Variants in GPC5 observed in about 807,000 individuals in gnomAD.
The protein encoded by GPC5 is glypican-5.
A neutral mutation model predicts 53.9 loss-of-function variants in GPC5; 47 were observed. The observed-to-expected ratio is 0.87, with a 90% CI of 0.69 to 1.11. The LOEUF (loss-of-function observed/expected upper bound fraction) is 1.11, where lower values mean the gene tolerates loss of function less well. Ranked by LOEUF, GPC5 falls within the 50% of genes most tolerant of loss-of-function variation. The pLI, the probability that GPC5 is intolerant of heterozygous loss-of-function variation, is 0.00. For missense variants in GPC5, 748 were observed against 713.1 expected, an observed-to-expected ratio of 1.05 and a Z score of -0.56; for synonymous variants, 286 against 263.3, an observed-to-expected ratio of 1.09 and a Z score of -0.84.
intron 7 of GPC5, among the ~76,000 whole-genome samples, chr13:92,493,549 GA>G (rs1287138234): frequency 3.3e-5 from 5 of 152,220 alleles, no homozygotes; most frequent in African/African-American, 9.6e-5. Context: ...AGAGCGAGGG[GA>G]AAAAATATAT....
intron 7 of GPC5, among the ~76,000 whole-genome samples, chr13:92,582,116 G>T (rs1158172029): frequency 2.6e-5 from 4 of 151,920 alleles, no homozygotes; most frequent in Non-Finnish European, 2.9e-5. Flanking sequence ...AAAAATTATT[G>T]CCTACATCAA....
At chr13:91,591,189 C>T (rs771812083) in intron 2 of GPC5, among the ~76,000 whole-genome samples, 1 of 152,144 alleles carries the variant, frequency 6.6e-6, no homozygotes. Context: ...AGAAAAATAG[C>T]TCCTTCCTCC....
chr13:92,843,618 T>A lies in GPC5; in HGVS notation c.1562-22664T>A, dbSNP rs76194203. ...GGTTAGATCACAAAGAGCAAACAAA[T>A]CAAAAGCAGGATGTGGCTCTGCATT... On this transcript the variant is annotated intron_variant, in intron 7 of 7. Coordinates refer to ENST00000377067, the MANE Select transcript of GPC5 (RefSeq NM_004466.6). Among the ~76,000 whole-genome samples the A allele has an allele frequency of 8.5e-3, 1,299 of 152,182 alleles. 18 individuals are homozygous for A. The highest frequency in any genetic ancestry group is 0.03 in the African/African-American group (1,246 of 41,540).
At chr13:92,635,192 T>G (rs965674338) in intron 7 of GPC5, among the ~76,000 whole-genome samples, 1 of 152,170 alleles carries the variant, frequency 6.6e-6, no homozygotes, top group African/African-American at 2.4e-5. Flanking sequence ...TATATACTTA[T>G]CTTTAAATGA....
intron 7 of GPC5, among the ~76,000 whole-genome samples, chr13:92,848,247 T>G (rs1878675175): frequency 6.6e-6 from 1 of 152,206 alleles, no homozygotes; most frequent in African/African-American, 2.4e-5. Context: ...GGAAAAGGCC[T>G]TATTATGATG....
intron 7 of GPC5, among the ~76,000 whole-genome samples, chr13:92,583,059 C>T: frequency 6.8e-6 from 1 of 147,352 alleles, no homozygotes; most frequent in Non-Finnish European, 1.5e-5. Flanking sequence ...ACATCCTTGT[C>T]TTGTTCCTGA....
chr13:92,483,983 A>C (rs1055082312), intron 7 of GPC5, among the ~76,000 whole-genome samples: 7 of 152,078 alleles, frequency 4.6e-5, no homozygotes. Context: ...AAAACATTTA[A>C]AATAACTGGC....
intron 2 of GPC5, among the ~76,000 whole-genome samples, chr13:91,559,799 G>A (rs1035569564): frequency 6.6e-6 from 1 of 152,042 alleles, no homozygotes; most frequent in African/African-American, 2.4e-5. Flanking sequence ...AGTTAAGACA[G>A]GCAGTTCAGG....
rs140112423 is a variant in GPC5 at position 91,658,697 on chromosome 13, A to G, written c.326-34490A>G. 3.3e-3 allele frequency among the ~76,000 whole-genome samples: 510 copies of G among 152,246 alleles called. 2 individuals are homozygous for G. The highest frequency in any genetic ancestry group is 0.012 in the African/African-American group (493 of 41,552). ...TCTGCCATTATTAGCTAAGCTTCCTAAGCTCTGTGGGGTCTGTCTGTCAGC... is the reference window on the plus strand; with the variant it reads ...TCTGCCATTATTAGCTAAGCTTCCTGAGCTCTGTGGGGTCTGTCTGTCAGC... On this transcript the variant is annotated intron_variant, in intron 2 of 7. Transcript: ENST00000377067.
chr13:92,402,470 C>T (rs1426770705), intron 7 of GPC5, among the ~76,000 whole-genome samples: 3 of 152,026 alleles, frequency 2.0e-5, no homozygotes, highest in Non-Finnish European at 4.4e-5. Context: ...TGGTAATACA[C>T]ATTTTTGGTT....
intron 7 of GPC5, among the ~76,000 whole-genome samples, chr13:92,527,125 AAAG>A (rs1881322696): frequency 2.0e-5 from 2 of 100,716 alleles, no homozygotes; most frequent in Non-Finnish European, 4.1e-5. Context: ...AGAAAGAAAG[AAAG>A]AAAGAAAGAA....
intron 2 of GPC5, among the ~76,000 whole-genome samples, chr13:91,652,525 A>T (rs1203125584): frequency 6.6e-6 from 1 of 152,162 alleles, no homozygotes; most frequent in East Asian, 1.9e-4. Flanking sequence ...ATACCAGGAC[A>T]GTGGATCTGA....
intron 5 of GPC5, among the ~76,000 whole-genome samples, chr13:91,899,208 T>C (rs1313606270): frequency 6.6e-6 from 1 of 152,136 alleles, no homozygotes; most frequent in East Asian, 1.9e-4. Context: ...GCCTTTCCTG[T>C]TTGTGTGTGT....
At chr13:92,061,056 T>C (rs1363182072) in intron 6 of GPC5, among the ~76,000 whole-genome samples, 1 of 151,018 alleles carries the variant, frequency 6.6e-6, no homozygotes, top group Non-Finnish European at 1.5e-5. Flanking sequence ...ATTTGGAGTA[T>C]GGTGGTTTGT....
intron 6 of GPC5, among the ~76,000 whole-genome samples, chr13:92,100,875 C>A (rs989538449): frequency 6.6e-6 from 1 of 152,168 alleles, no homozygotes; most frequent in African/African-American, 2.4e-5. Flanking sequence ...ATGTCATGCT[C>A]CACTTACAGA....
intron 6 of GPC5, among the ~76,000 whole-genome samples, chr13:92,135,840 A>G (rs2041779879): frequency 6.6e-6 from 1 of 151,750 alleles, no homozygotes; most frequent in Admixed American, 6.6e-5. Context: ...TGGTCAACTT[A>G]ACATAACATG....
At chr13:92,264,878 C>CTGTGTGTGTG (rs71815584) in intron 7 of GPC5, among the ~76,000 whole-genome samples, 46 of 104,718 alleles carry the variant, frequency 4.4e-4, no homozygotes, top group Admixed American at 1.1e-3. Flanking sequence ...CTCTCTCTCT[C>CTGTGTGTGTG]TGTGTGTGTG....
At chr13:91,758,699 A>G (rs896407530) in intron 5 of GPC5, among the ~76,000 whole-genome samples, 10 of 152,176 alleles carry the variant, frequency 6.6e-5, no homozygotes, top group Non-Finnish European at 1.2e-4. Flanking sequence ...TGATTAGCGA[A>G]GTGTGTGATT....
intron 7 of GPC5, among the ~76,000 whole-genome samples, chr13:92,626,290 GC>G (rs1885043263): frequency 6.6e-6 from 1 of 152,134 alleles, no homozygotes. Flanking sequence ...CCCAAACAGA[GC>G]AGTCAAGGAA....
Sources: gnomAD v4.1 joint callset for allele counts (sites outside exome capture counted in the v4.1 genomes callset) on GRCh38, gnomAD v4.1.1 for gene constraint, MANE v1.5 for transcripts, NCBI Gene and HGNC (gene_info 2026-07-23, HGNC 2026-07-21) for gene names.